Variants in LSAMP observed in about 807,000 individuals in gnomAD.
LSAMP encodes the protein limbic system-associated membrane protein.
In LSAMP, 7 loss-of-function variants were observed where a neutral mutation model predicts 38.6. The ratio of observed to expected loss-of-function variants is 0.18; its 90% CI spans 0.10 to 0.34. The LOEUF (loss-of-function observed/expected upper bound fraction) is 0.34, where lower values mean the gene tolerates loss of function less well. Among genes scored for constraint, LSAMP ranks in the 10% least tolerant of loss-of-function variants. The pLI, the probability that LSAMP is intolerant of heterozygous loss-of-function variation, is 1.00. For synonymous variants in LSAMP, 154 were observed against 166.8 expected (o/e 0.92, Z 0.59); for missense variants, 313 against 420.0 (o/e 0.75, Z 2.23).
chr3:116,012,080 T>C (rs2107677017), intron 3 of LSAMP, among the ~76,000 whole-genome samples: 1 of 152,336 alleles, frequency 6.6e-6, no homozygotes, highest in Middle Eastern at 3.4e-3. Flanking sequence ...AGATAAGCCA[T>C]ATCAACACAG....
chr3:116,249,161 A>AAC (rs1364802644), intron 1 of LSAMP, among the ~76,000 whole-genome samples: 1 of 151,410 alleles, frequency 6.6e-6, no homozygotes, highest in Admixed American at 6.6e-5. Context: ...AAAAAAAAAA[A>AAC]AGGACTAAAC....
At chr3:116,295,588 G>T (rs1354262650) in intron 1 of LSAMP, among the ~76,000 whole-genome samples, 1 of 152,194 alleles carries the variant, frequency 6.6e-6, no homozygotes, top group Non-Finnish European at 1.5e-5. Context: ...GTGTTAGCAT[G>T]TCCTTCTAGT....
chr3:116,109,999 G>A (rs941256034), intron 1 of LSAMP, among the ~76,000 whole-genome samples: 6 of 151,700 alleles, frequency 4.0e-5, no homozygotes, highest in African/African-American at 1.2e-4. Context: ...AGAGATAAGA[G>A]GTAGGGGTGA....
intron 1 of LSAMP, among the ~76,000 whole-genome samples, chr3:116,395,220 G>A (rs2048753695): frequency 1.3e-5 from 2 of 152,158 alleles, no homozygotes; most frequent in Admixed American, 1.3e-4. Context: ...AATAATTAAA[G>A]ATGAATCCAC....
intron 1 of LSAMP, among the ~76,000 whole-genome samples, chr3:116,261,276 CA>C (rs1419750394): frequency 1.3e-5 from 2 of 152,262 alleles, no homozygotes; most frequent in African/African-American, 4.8e-5. Flanking sequence ...TTCCAGTTAT[CA>C]GCATCTTTCT....
intron 1 of LSAMP, among the ~76,000 whole-genome samples, chr3:116,180,837 C>CG (rs1454563480): frequency 6.6e-6 from 1 of 151,976 alleles, no homozygotes; most frequent in African/African-American, 2.4e-5. Context: ...GTTTTGCAGG[C>CG]CGGTGCTGTG....
At chr3:116,425,506 T>C (rs909288780) in intron 1 of LSAMP, among the ~76,000 whole-genome samples, 2 of 152,206 alleles carry the variant, frequency 1.3e-5, no homozygotes, top group African/African-American at 4.8e-5. Flanking sequence ...CATAGAAAAG[T>C]CATTTTTTCT....
chr3:115,970,381 G>T (rs1195161617), intron 3 of LSAMP, among the ~76,000 whole-genome samples: 1 of 152,088 alleles, frequency 6.6e-6, no homozygotes, highest in Non-Finnish European at 1.5e-5. Flanking sequence ...TATGGTTTTG[G>T]CAATAATTAT....
At chr3:115,989,177 G>A (rs966572881) in intron 3 of LSAMP, among the ~76,000 whole-genome samples, 1 of 152,066 alleles carries the variant, frequency 6.6e-6, no homozygotes, top group Admixed American at 6.6e-5. Flanking sequence ...AAATAGAAAA[G>A]TGAATAGCTT....
At chr3:116,320,242 G>A (rs1048720448) in intron 1 of LSAMP, among the ~76,000 whole-genome samples, 1 of 151,954 alleles carries the variant, frequency 6.6e-6, no homozygotes, top group Non-Finnish European at 1.5e-5. Flanking sequence ...ATGAAACCTC[G>A]TCTCTCCTAA....
chr3:115,886,212 TTA>T (rs1936449789), intron 3 of LSAMP, among the ~76,000 whole-genome samples: 1 of 151,992 alleles, frequency 6.6e-6, no homozygotes, highest in Non-Finnish European at 1.5e-5. Context: ...AGAAATACCC[TTA>T]CAGACAGACT....
intron 1 of LSAMP, among the ~76,000 whole-genome samples, chr3:116,102,785 A>ATCTATCTATCTGTCTGTCTGTCTG (rs562864883): frequency 1.3e-4 from 20 of 151,692 alleles, no homozygotes; most frequent in African/African-American, 4.6e-4. Context: ...CTATCTATCT[A>ATCTATCTATCTGTCTGTCTGTCTG]TCTGTCTGTC....
chr3:116,054,812 A>G (rs1407316163), intron 2 of LSAMP, among the ~76,000 whole-genome samples: 1 of 152,080 alleles, frequency 6.6e-6, no homozygotes, highest in Non-Finnish European at 1.5e-5. Context: ...ATTTATCACC[A>G]CGTGGTTATG....
intron 1 of LSAMP, among the ~76,000 whole-genome samples, chr3:116,265,622 T>C (rs1162333074): frequency 1.3e-5 from 2 of 152,186 alleles, no homozygotes; most frequent in Non-Finnish European, 2.9e-5. Flanking sequence ...CTCACACTAA[T>C]GGCGTAACAG....
intron 1 of LSAMP, among the ~76,000 whole-genome samples, chr3:116,203,403 TA>T (rs1266170582): frequency 6.6e-6 from 1 of 151,036 alleles, no homozygotes; most frequent in African/African-American, 2.5e-5. Flanking sequence ...ATTTATTTTT[TA>T]TTTTTTTATT....
At position 116,004,555 on chromosome 3, in the gene LSAMP, C is replaced by CAT. The variant is rs200212862; in HGVS notation, c.514+14958_514+14959dup. Among the ~76,000 whole-genome samples, 26 of 147,410 alleles carry CAT rather than the reference C, an allele frequency of 1.8e-4. 1 individual carries two copies. Among genetic ancestry groups the CAT allele is most frequent in the Middle Eastern group, 3.7e-3 (1 of 272 alleles). Reference sequence around the variant, plus strand: ...ATATATACACACACACACGTAGGTGCATATATATATATACATATATATACA... The same window carrying CAT: ...ATATATACACACACACACGTAGGTGCATATATATATATATACATATATATACA... On this transcript the variant is annotated intron_variant, in intron 3 of 6. Coordinates refer to ENST00000490035, the MANE Select transcript of LSAMP (RefSeq NM_002338.5).
At chr3:115,938,167 A>G (rs1368726504) in intron 3 of LSAMP, among the ~76,000 whole-genome samples, 1 of 152,204 alleles carries the variant, frequency 6.6e-6, no homozygotes, top group East Asian at 1.9e-4. Flanking sequence ...AAAAAAGTCC[A>G]AAACAGAAAA....
At chr3:115,932,890 T>C (rs1937603717) in intron 3 of LSAMP, among the ~76,000 whole-genome samples, 1 of 152,162 alleles carries the variant, frequency 6.6e-6, no homozygotes, top group Non-Finnish European at 1.5e-5. Flanking sequence ...ATGAAGAGAA[T>C]GCACTGTCAG....
At chr3:115,828,931 A>AT (rs1472766351) in intron 6 of LSAMP, among the ~76,000 whole-genome samples, 1 of 152,218 alleles carries the variant, frequency 6.6e-6, no homozygotes, top group Non-Finnish European at 1.5e-5. Context: ...GTGCAGGCAG[A>AT]TCCAGATTCG....
Sources: gnomAD v4.1 joint callset for allele counts (sites outside exome capture counted in the v4.1 genomes callset) on GRCh38, gnomAD v4.1.1 for gene constraint, MANE v1.5 for transcripts, NCBI Gene and HGNC (gene_info 2026-07-23, HGNC 2026-07-21) for gene names.